CTNNA3: variants seen among roughly 807,000 people sequenced by gnomAD.
The protein encoded by CTNNA3 is catenin alpha-3.
A neutral mutation model predicts 95.7 loss-of-function variants in CTNNA3; 76 were observed. That is an observed-to-expected ratio of 0.79 (90% CI 0.66 to 0.96). CTNNA3 has a LOEUF of 0.96. Among genes scored for constraint, CTNNA3 ranks in the 40% least tolerant of loss-of-function variants. The probability of loss-of-function intolerance (pLI) is 0.00; values close to 1 mark genes in which losing one functional copy is unlikely to be tolerated. For missense variants in CTNNA3, 1,191 were observed against 1,089.8 expected (o/e 1.09, Z -1.31); for synonymous variants, 431 against 374.4 (o/e 1.15, Z -1.74).
chr10:67,703,825 G>A (rs942805873), intron 1 of CTNNA3, among the ~76,000 whole-genome samples: 2 of 152,190 alleles, frequency 1.3e-5, no homozygotes, highest in African/African-American at 4.8e-5. Context: ...AGGAAAAGAG[G>A]AAGTCAAATT....
chr10:67,588,769 T>C (rs1842710770), intron 3 of CTNNA3, among the ~76,000 whole-genome samples: 1 of 152,052 alleles, frequency 6.6e-6, no homozygotes, highest in Admixed American at 6.6e-5. Context: ...TTTATTTTAC[T>C]AGGAATCTAA....
At chr10:67,097,911 T>C in intron 7 of CTNNA3, 1 of 864,166 alleles carries the variant, frequency 1.2e-6, no homozygotes, top group Non-Finnish European at 1.8e-6. Context: ...AATCCCCTGT[T>C]CAAATAAACA....
At chr10:66,296,227 G>A (rs992828272) in intron 12 of CTNNA3, among the ~76,000 whole-genome samples, 3 of 152,042 alleles carry the variant, frequency 2.0e-5, no homozygotes, top group Non-Finnish European at 2.9e-5. Flanking sequence ...ATAGGAAGAG[G>A]CAAGTAGATG....
At chr10:66,543,284 G>T (rs1841922990) in intron 10 of CTNNA3, among the ~76,000 whole-genome samples, 1 of 151,914 alleles carries the variant, frequency 6.6e-6, no homozygotes, top group Non-Finnish European at 1.5e-5. Flanking sequence ...GAAGAGACAG[G>T]TTTCACCATC....
intron 11 of CTNNA3, among the ~76,000 whole-genome samples, chr10:66,513,489 G>T (rs1840733100): frequency 6.6e-6 from 1 of 152,188 alleles, no homozygotes; most frequent in Admixed American, 6.5e-5. Flanking sequence ...CCTGGGGAGT[G>T]CACACGCACC....
intron 13 of CTNNA3, among the ~76,000 whole-genome samples, chr10:66,175,566 A>G (rs955473161): frequency 1.3e-5 from 2 of 152,168 alleles, no homozygotes; most frequent in African/African-American, 4.8e-5. Flanking sequence ...AACACAAATA[A>G]CAAAAGGGTA....
intron 12 of CTNNA3, among the ~76,000 whole-genome samples, chr10:66,351,942 A>G (rs540256220): frequency 4.7e-4 from 71 of 152,128 alleles, no homozygotes; most frequent in Non-Finnish European, 8.5e-4. Context: ...ACATGCATCC[A>G]AACTTTAATT....
At chr10:67,528,048 G>A (rs1840203712) in intron 4 of CTNNA3, among the ~76,000 whole-genome samples, 1 of 152,084 alleles carries the variant, frequency 6.6e-6, no homozygotes, top group South Asian at 2.1e-4. Context: ...TTACAGTCCT[G>A]GTTTGGCTCC....
chr10:66,814,029 A>G (rs1430220086), intron 7 of CTNNA3, among the ~76,000 whole-genome samples: 1 of 152,156 alleles, frequency 6.6e-6, no homozygotes, highest in Non-Finnish European at 1.5e-5. Flanking sequence ...TATATTCAAT[A>G]AGACTGAAGA....
chr10:67,445,983 G>A (rs1473053506), intron 5 of CTNNA3, among the ~76,000 whole-genome samples: 3 of 152,068 alleles, frequency 2.0e-5, no homozygotes, highest in African/African-American at 7.2e-5. Context: ...AAAGATAAAA[G>A]GGACATACCA....
chr10:67,425,149 A>G (rs1056061858), intron 5 of CTNNA3, among the ~76,000 whole-genome samples: 2 of 152,146 alleles, frequency 1.3e-5, no homozygotes, highest in Non-Finnish European at 2.9e-5. Flanking sequence ...ACAACATAGC[A>G]AAACTAAAAG....
intron 9 of CTNNA3, among the ~76,000 whole-genome samples, chr10:66,643,647 TA>T (rs887854792): frequency 2.6e-5 from 4 of 152,144 alleles, no homozygotes; most frequent in African/African-American, 9.7e-5. Context: ...TTGTAACACA[TA>T]AAGGGGTTCA....
chr10:66,762,064 G>C (rs1209163424), intron 9 of CTNNA3, among the ~76,000 whole-genome samples: 2 of 152,166 alleles, frequency 1.3e-5, no homozygotes, highest in Non-Finnish European at 2.9e-5. Context: ...GAGCTGTATA[G>C]ACTTTGCTAT....
rs541112064 is a variant in CTNNA3 at position 66,949,986 on chromosome 10, C to A, written c.1048-174462G>T. 1.4e-4 allele frequency among the ~76,000 whole-genome samples: 22 copies of A among 152,290 alleles called. No homozygotes were observed. In the South Asian group the frequency reaches 4.6e-3, roughly 32 times the overall value. On this transcript the variant is annotated intron_variant, in intron 7 of 17. Coordinates refer to ENST00000433211, the MANE Select transcript of CTNNA3 (RefSeq NM_013266.4). Reference sequence around the variant, plus strand: ...AGAAAGTTCTAACATCTCCCCATGACTTAACACAATCTGGGCTCAACCTAG... The same window carrying A: ...AGAAAGTTCTAACATCTCCCCATGAATTAACACAATCTGGGCTCAACCTAG...
intron 17 of CTNNA3, among the ~76,000 whole-genome samples, chr10:65,961,794 G>C (rs1373095577): frequency 2.0e-5 from 3 of 151,884 alleles, no homozygotes; most frequent in Non-Finnish European, 4.4e-5. Context: ...GGGACCTTCT[G>C]GAAGGTCCCT....
chr10:66,620,037 T>C (rs1844688329), intron 10 of CTNNA3, among the ~76,000 whole-genome samples: 1 of 152,138 alleles, frequency 6.6e-6, no homozygotes, highest in Non-Finnish European at 1.5e-5. Flanking sequence ...CTCTACCTCA[T>C]GTTAGACATA....
intron 5 of CTNNA3, among the ~76,000 whole-genome samples, chr10:67,361,438 A>G (rs528236606): frequency 1.3e-5 from 2 of 152,310 alleles, no homozygotes; most frequent in East Asian, 3.9e-4. Context: ...TTGGACCACA[A>G]TGCAATAAAA....
chr10:67,517,186 G>A (rs1343091185), intron 5 of CTNNA3, among the ~76,000 whole-genome samples: 5 of 151,862 alleles, frequency 3.3e-5, no homozygotes, highest in East Asian at 1.9e-4. Flanking sequence ...TACTTTTTCC[G>A]AAATGACTGT....
At chr10:67,004,712 T>C (rs10997481) in intron 7 of CTNNA3, among the ~76,000 whole-genome samples, 79,634 of 152,078 alleles carry the variant, frequency 0.52, 21,569 homozygotes, top group Middle Eastern at 0.73. Flanking sequence ...GTATACTCAC[T>C]GATAAATGCC....
Sources: allele counts gnomAD v4.1 joint callset (sites outside exome capture counted in the v4.1 genomes callset), GRCh38; gene constraint gnomAD v4.1.1; transcripts MANE v1.5; gene names NCBI Gene and HGNC (gene_info 2026-07-23, HGNC 2026-07-21).